The following SPACA7 variants were observed in gnomAD, a reference collection of about 807,000 sequenced individuals.
SPACA7 encodes sperm acrosome associated 7.
In SPACA7, 19 loss-of-function variants were observed where a neutral mutation model predicts 26.3. That is an observed-to-expected ratio of 0.72 (90% confidence interval 0.50 to 1.06). The LOEUF (loss-of-function observed/expected upper bound fraction) is 1.06. Among genes scored for constraint, SPACA7 ranks in the 50% least tolerant of loss-of-function variants. The pLI, the probability that SPACA7 is intolerant of heterozygous loss-of-function variation, is 0.00. For missense variants in SPACA7, 211 were observed against 229.9 expected (o/e 0.92, Z 0.53); for synonymous variants, 84 against 84.5 (o/e 0.99, Z 0.04).
intron 5 of SPACA7, among the ~76,000 whole-genome samples, chr13:112,420,751 G>A (rs1026716045): frequency 2.6e-5 from 4 of 151,950 alleles, no homozygotes; most frequent in African/African-American, 9.7e-5. Flanking sequence ...TTTAAACACA[G>A]AGACACACAC....
chr13:112,394,152 G>A (rs1451149287), intron 2 of SPACA7, among the ~76,000 whole-genome samples: 2 of 152,104 alleles, frequency 1.3e-5, no homozygotes, highest in Admixed American at 6.5e-5. Flanking sequence ...CCATTTCCAC[G>A]TGGACAGCCG....
At chr13:112,433,146 G>T (rs1226772067) in intron 6 of SPACA7, among the ~76,000 whole-genome samples, 3 of 150,808 alleles carry the variant, frequency 2.0e-5, no homozygotes, top group Admixed American at 6.6e-5. Context: ...AGCCCAGTGT[G>T]CCCAGCCCCT....
At chr13:112,402,736 T>A (rs1176881171) in intron 5 of SPACA7, among the ~76,000 whole-genome samples, 1 of 152,208 alleles carries the variant, frequency 6.6e-6, no homozygotes, top group East Asian at 1.9e-4. Context: ...AAGTCTTTTT[T>A]ATCATTTTTG....
intron 1 of SPACA7, among the ~76,000 whole-genome samples, chr13:112,383,142 AAAGAAAG>A (rs1253476753): frequency 6.1e-4 from 33 of 53,746 alleles, no homozygotes; most frequent in African/African-American, 2.9e-4. Flanking sequence ...AGAAAGAAAG[AAAGAAAG>A]AAAGAAAGAA....
chr13:112,385,180 CA>C (rs1472008576), intron 1 of SPACA7, among the ~76,000 whole-genome samples: 6 of 152,302 alleles, frequency 3.9e-5, no homozygotes. Flanking sequence ...TAACCCTTTA[CA>C]AACCCTTTTC....
At chr13:112,423,156 T>C (rs1039552708) in intron 5 of SPACA7, among the ~76,000 whole-genome samples, 24 of 152,150 alleles carry the variant, frequency 1.6e-4, no homozygotes, top group African/African-American at 5.8e-4. Context: ...AAAAGTGAGA[T>C]ATTTCATGGT....
chr13:112,409,534 C>A (rs910351001), intron 5 of SPACA7, among the ~76,000 whole-genome samples: 1 of 151,352 alleles, frequency 6.6e-6, no homozygotes, highest in African/African-American at 2.4e-5. Flanking sequence ...AAACAAACAA[C>A]CCCATCAAAA....
intron 5 of SPACA7, among the ~76,000 whole-genome samples, chr13:112,412,869 C>T (rs566683073): frequency 6.6e-6 from 1 of 152,066 alleles, no homozygotes; most frequent in African/African-American, 2.4e-5. Context: ...TACCAGGAAA[C>T]CTAAAAAACA....
chr13:112,398,545 C>G (rs1885433021), intron 3 of SPACA7, among the ~76,000 whole-genome samples: 1 of 152,274 alleles, frequency 6.6e-6, no homozygotes, highest in Non-Finnish European at 1.5e-5. Flanking sequence ...TATCATCACC[C>G]CATTTGACAG....
intron 5 of SPACA7, among the ~76,000 whole-genome samples, chr13:112,430,024 AC>A (rs1199846259): frequency 2.0e-5 from 3 of 151,876 alleles, no homozygotes; most frequent in Admixed American, 1.3e-4. Context: ...TCTGACAGGA[AC>A]CCCACTTATT....
In SPACA7 at chr13:112,379,751, G is replaced by T. The variant is rs182106749; in HGVS notation, c.94+3272G>T. Among the ~76,000 whole-genome samples, 606 of 152,252 alleles carry T rather than the reference G, an allele frequency of 4.0e-3. 2 individuals are homozygous for T. The highest frequency in any genetic ancestry group is 0.014 in the African/African-American group (575 of 41,556). On this transcript the variant is annotated intron_variant, in intron 1 of 6. Transcript: ENST00000283550. Reference sequence around the variant, plus strand: ...ACAAATCCTTTGAGATTTTCTAGTGGCCCTCTGGGAAATCTCAAAATTAGT... The same window carrying T: ...ACAAATCCTTTGAGATTTTCTAGTGTCCCTCTGGGAAATCTCAAAATTAGT...
intron 5 of SPACA7, 150 bp downstream of exon 5, chr13:112,401,314 T>C: frequency 1.6e-6 from 1 of 611,180 alleles, no homozygotes; most frequent in Non-Finnish European, 2.9e-6. Flanking sequence ...ATTTCAGTAC[T>C]GCTTTTGTTT....
rs117396561 is a variant in SPACA7 at position 112,388,112 on chromosome 13, C to T, written c.95-4909C>T. 1.4e-3 allele frequency among the ~76,000 whole-genome samples: 209 copies of T among 152,276 alleles called. 1 individual carries two copies. The highest frequency in any genetic ancestry group is 4.1e-3 in the East Asian group (21 of 5,182). On this transcript the variant is annotated intron_variant, in intron 1 of 6. Coordinates refer to ENST00000283550, the MANE Select transcript of SPACA7 (RefSeq NM_145248.5). ...GCTGGACTTCCATCAGCAACCCCTT[C>T]GGAGATCCCTTCCACATACACAAAC...
chr13:112,415,051 G>C (rs547826282), intron 5 of SPACA7, among the ~76,000 whole-genome samples: 2 of 152,312 alleles, frequency 1.3e-5, no homozygotes, highest in Non-Finnish European at 2.9e-5. Context: ...CCTAAGTCCA[G>C]TTACACTGCA....
intron 2 of SPACA7, among the ~76,000 whole-genome samples, chr13:112,396,914 G>A (rs555432997): frequency 1.7e-4 from 26 of 152,164 alleles, no homozygotes; most frequent in South Asian, 1.0e-3. Flanking sequence ...GGCAGGAGGC[G>A]GGGGTGCAGG....
chr13:112,421,775 A>G (rs1385175524), intron 5 of SPACA7, among the ~76,000 whole-genome samples: 2 of 152,252 alleles, frequency 1.3e-5, no homozygotes, highest in African/African-American at 4.8e-5. Context: ...AATACTATAC[A>G]GCCATTAAAA....
At chr13:112,391,030 G>A (rs989774151) in intron 1 of SPACA7, among the ~76,000 whole-genome samples, 1 of 152,160 alleles carries the variant, frequency 6.6e-6, no homozygotes, top group Non-Finnish European at 1.5e-5. Flanking sequence ...TCACAGACTT[G>A]GATGATTGGC....
intron 1 of SPACA7, among the ~76,000 whole-genome samples, chr13:112,389,192 C>T (rs1884721723): frequency 2.0e-5 from 3 of 152,206 alleles, no homozygotes; most frequent in African/African-American, 7.2e-5. Context: ...AACCTTCTCC[C>T]ATAGTTAGTT....
chr13:112,422,457 A>G (rs1327073439), intron 5 of SPACA7, among the ~76,000 whole-genome samples: 1 of 152,236 alleles, frequency 6.6e-6, no homozygotes, highest in Non-Finnish European at 1.5e-5. Context: ...GACCTTTTAT[A>G]GAACACAATC....
Sources: gnomAD v4.1 joint callset for allele counts (sites outside exome capture counted in the v4.1 genomes callset) on GRCh38, gnomAD v4.1.1 for gene constraint, MANE v1.5 for transcripts, NCBI Gene and HGNC (gene_info 2026-07-23, HGNC 2026-07-21) for gene names.